The following MYRIP variants were observed in gnomAD, a reference collection of about 807,000 sequenced individuals.
MYRIP encodes the protein rab effector MyRIP.
In MYRIP, 49 loss-of-function variants were observed where a neutral mutation model predicts 98.0. The ratio of observed to expected loss-of-function variants is 0.50; its 90% CI spans 0.40 to 0.63. The LOEUF is 0.63. Among genes scored for constraint, MYRIP ranks in the 30% least tolerant of loss-of-function variants. The pLI is 0.00. For synonymous variants in MYRIP, 404 were observed against 409.5 expected (o/e 0.99, Z 0.16); for missense variants, 1,004 against 1,058.2 (o/e 0.95, Z 0.71).
chr3:40,244,619 C>T lies in MYRIP; in HGVS notation c.2262+12C>T. ...ATGCTGAACTCCAGGTGAGAACTCT[C>T]CTCTCTGCCCACATGGGTCCTGCAG... On this transcript the variant is annotated intron_variant, in intron 13 of 16. Transcript: ENST00000302541. 6.2e-7 allele frequency: 1 copy of T among 1,605,098 alleles called. No homozygotes were observed. The highest frequency in any genetic ancestry group is 8.5e-7 in the Non-Finnish European group (1 of 1,175,800).
At chr3:39,996,015 A>G (rs1946342400) in intron 2 of MYRIP, among the ~76,000 whole-genome samples, 1 of 152,212 alleles carries the variant, frequency 6.6e-6, no homozygotes, top group African/African-American at 2.4e-5. Context: ...CCTGCCATAC[A>G]AGAGCTCCTG....
At chr3:39,843,186 A>G (rs1941855983) in intron 1 of MYRIP, among the ~76,000 whole-genome samples, 1 of 152,158 alleles carries the variant, frequency 6.6e-6, no homozygotes, top group South Asian at 2.1e-4. Context: ...GATATTATCT[A>G]GGGTCAAATT....
rs148630288 is a variant in MYRIP, at chr3:40,240,565, G to A, written c.2101-3881G>A. ...CTGGAAAATCGGGTCACTCCCACCC[G>A]AATACTGCGCTTTTCCGATGGGCTT... On this transcript the variant is annotated intron_variant, in intron 12 of 16. Coordinates refer to ENST00000302541, the MANE Select transcript of MYRIP (RefSeq NM_015460.4). Among the ~76,000 whole-genome samples the A allele has an allele frequency of 3.8e-3, 579 of 152,232 alleles. 1 individual carries two copies. Among genetic ancestry groups the A allele is most frequent in the African/African-American group, 0.013 (550 of 41,540 alleles).
intron 1 of MYRIP, among the ~76,000 whole-genome samples, chr3:39,893,264 G>C (rs975233197): frequency 1.3e-5 from 2 of 152,016 alleles, no homozygotes; most frequent in African/African-American, 2.4e-5. Flanking sequence ...AGGTTTTTTG[G>C]AAGTTTTCCA....
intron 2 of MYRIP, among the ~76,000 whole-genome samples, chr3:39,922,904 G>T (rs904089151): frequency 2.6e-5 from 4 of 152,098 alleles, no homozygotes; most frequent in African/African-American, 2.4e-5. Flanking sequence ...ATCAGGCAAA[G>T]ATTTTAAAGC....
At chr3:40,154,547 T>A (rs1056843013) in intron 4 of MYRIP, among the ~76,000 whole-genome samples, 1 of 152,218 alleles carries the variant, frequency 6.6e-6, no homozygotes, top group African/African-American at 2.4e-5. Flanking sequence ...GACTTTTTTT[T>A]AAATTTAATT....
chr3:40,113,692 G>GT (rs1346217048), intron 3 of MYRIP, among the ~76,000 whole-genome samples: 2 of 151,938 alleles, frequency 1.3e-5, no homozygotes, highest in East Asian at 1.9e-4. Context: ...TTTTTTGTTT[G>GT]TTTTTTTGTT....
chr3:40,076,814 G>A (rs987889722), intron 3 of MYRIP, among the ~76,000 whole-genome samples: 1 of 152,164 alleles, frequency 6.6e-6, no homozygotes, highest in Non-Finnish European at 1.5e-5. Context: ...CCACGTGAAA[G>A]TATTACCTTA....
At chr3:40,034,143 A>C (rs545534384) in intron 2 of MYRIP, among the ~76,000 whole-genome samples, 1 of 151,920 alleles carries the variant, frequency 6.6e-6, no homozygotes, top group African/African-American at 2.4e-5. Flanking sequence ...AGGCATTACT[A>C]TTCAGGACAT....
chr3:39,965,718 G>A (rs995628748), intron 2 of MYRIP, among the ~76,000 whole-genome samples: 3 of 152,144 alleles, frequency 2.0e-5, no homozygotes, highest in Admixed American at 2.0e-4. Flanking sequence ...TCTAGGATAA[G>A]TCCTCTTACT....
chr3:40,202,556 GTTAAACCC>G, intron 10 of MYRIP, among the ~76,000 whole-genome samples: 1 of 152,098 alleles, frequency 6.6e-6, no homozygotes, highest in Non-Finnish European at 1.5e-5. Flanking sequence ...GAAAAAAGAG[GTTAAACCC>G]CTTGCCTCTT....
intron 9 of MYRIP, among the ~76,000 whole-genome samples, chr3:40,187,189 A>G (rs769158045): frequency 5.3e-5 from 8 of 152,228 alleles, no homozygotes; most frequent in Non-Finnish European, 1.2e-4. Context: ...GGCCCTAAGT[A>G]TAGCAGGCAC....
At chr3:39,954,722 C>T (rs1244768020) in intron 2 of MYRIP, among the ~76,000 whole-genome samples, 8 of 152,124 alleles carry the variant, frequency 5.3e-5, no homozygotes, top group Non-Finnish European at 5.9e-5. Context: ...TAACAAACTT[C>T]TCCAAGCTGA....
At chr3:40,154,734 G>T (rs1438105648) in intron 4 of MYRIP, among the ~76,000 whole-genome samples, 1 of 151,966 alleles carries the variant, frequency 6.6e-6, no homozygotes, top group Non-Finnish European at 1.5e-5. Flanking sequence ...AGGATGCATT[G>T]TTCCCCCTGC....
At chr3:40,195,802 T>A (rs983805498) in intron 10 of MYRIP, among the ~76,000 whole-genome samples, 8 of 152,164 alleles carry the variant, frequency 5.3e-5, no homozygotes, top group African/African-American at 9.6e-5. Context: ...GGGTTCCCTA[T>A]TTTATATTAT....
chr3:40,132,104 T>C lies in MYRIP; in HGVS notation c.333-18944T>C, dbSNP rs996787966. ...TTTTTAATGCTTATAGAATCAGTTT[T>C]CTTCTGAATGCCTTCCCAGAGCTGG... On this transcript the variant is annotated intron_variant, in intron 3 of 16. Coordinates refer to ENST00000302541, the MANE Select transcript of MYRIP (RefSeq NM_015460.4). Among the ~76,000 whole-genome samples, 138 of 152,274 alleles carry C rather than the reference T, an allele frequency of 9.1e-4. 1 individual carries two copies. The highest frequency in any genetic ancestry group is 3.2e-3 in the African/African-American group (135 of 41,556).
At chr3:40,212,399 G>A (rs1052279809) in intron 11 of MYRIP, among the ~76,000 whole-genome samples, 5 of 151,308 alleles carry the variant, frequency 3.3e-5, no homozygotes, top group Non-Finnish European at 7.4e-5. Flanking sequence ...AAGAAAAACA[G>A]AAATATAGGG....
rs985769309 is a variant in MYRIP at position 39,879,794 on chromosome 3, C to A, written c.-30-20993C>A. On this transcript the variant is annotated intron_variant, in intron 1 of 16. Coordinates refer to ENST00000302541, the MANE Select transcript of MYRIP (RefSeq NM_015460.4). ...TCACTGGCCTCCTTGGCATCTCTCCCACACACACACACAGGTCTGGGATCA... is the reference window on the plus strand; with the variant it reads ...TCACTGGCCTCCTTGGCATCTCTCCAACACACACACACAGGTCTGGGATCA... Among the ~76,000 whole-genome samples the A allele has an allele frequency of 1.5e-4, 22 of 151,226 alleles. 1 individual carries two copies. The highest frequency in any genetic ancestry group is 1.6e-4 in the Non-Finnish European group (11 of 67,714).
intron 3 of MYRIP, among the ~76,000 whole-genome samples, chr3:40,150,131 G>A (rs1403353523): frequency 6.6e-6 from 1 of 151,980 alleles, no homozygotes; most frequent in Non-Finnish European, 1.5e-5. Flanking sequence ...CGCCCAGGCT[G>A]GAGGGCAGTG....
Sources: allele counts gnomAD v4.1 joint callset (sites outside exome capture counted in the v4.1 genomes callset), GRCh38; gene constraint gnomAD v4.1.1; transcripts MANE v1.5; gene names NCBI Gene and HGNC (gene_info 2026-07-23, HGNC 2026-07-21).